Variants in VAMP7 observed in about 807,000 individuals in gnomAD.
VAMP7 encodes vesicle-associated membrane protein 7.
In VAMP7, 14 loss-of-function variants were observed where a neutral mutation model predicts 29.6. That is an observed-to-expected ratio of 0.47 (90% CI 0.31 to 0.74). The LOEUF is 0.74. Among genes scored for constraint, VAMP7 ranks in the 30% least tolerant of loss-of-function variants. The probability of loss-of-function intolerance (pLI) is 0.05; values close to 1 mark genes in which losing one functional copy is unlikely to be tolerated. For synonymous variants in VAMP7, 95 were observed against 88.1 expected (o/e 1.08, Z -0.44); for missense variants, 223 against 262.4 (o/e 0.85, Z 1.04).
At chrX:155,935,316 C>T (rs977832631) in intron 6 of VAMP7, among the ~76,000 whole-genome samples, 11 of 152,252 alleles carry the variant, frequency 7.2e-5, no homozygotes, top group African/African-American at 2.6e-4. Flanking sequence ...GTTCCATTCT[C>T]CCCATCACTT....
intron 6 of VAMP7, among the ~76,000 whole-genome samples, chrX:155,935,142 T>C (rs1274066913): frequency 2.0e-5 from 3 of 152,110 alleles, no homozygotes; most frequent in African/African-American, 7.2e-5. Context: ...CATTTTTTCC[T>C]TCATTTCAAC....
At chrX:155,890,089 A>G (rs975054758) in intron 2 of VAMP7, among the ~76,000 whole-genome samples, 3 of 152,076 alleles carry the variant, frequency 2.0e-5, no homozygotes, top group Admixed American at 2.0e-4. Flanking sequence ...GGGAAGTAGT[A>G]GATAGGAGAA....
In VAMP7 at chrX:155,912,665, C is replaced by A. The variant is rs1330636261; in HGVS notation, c.434-7148C>A. ...TGAGAATGATGGTTTCCAGCTTCATCCATGTCCCTGCAAAGGACATGAACT... is the reference window on the plus strand; with the variant it reads ...TGAGAATGATGGTTTCCAGCTTCATACATGTCCCTGCAAAGGACATGAACT... On this transcript the variant is annotated intron_variant, in intron 5 of 7. Transcript: ENST00000286448. 2.0e-5 allele frequency among the ~76,000 whole-genome samples: 3 copies of A among 152,098 alleles called. No homozygotes were observed. In the East Asian group the frequency reaches 5.8e-4, roughly 29 times the overall value.
intron 5 of VAMP7, among the ~76,000 whole-genome samples, chrX:155,902,402 T>C (rs1163765399): frequency 6.7e-6 from 1 of 150,212 alleles, no homozygotes; most frequent in Non-Finnish European, 1.5e-5. Context: ...CTTCCAACAC[T>C]ATGTTGAATA....
intron 5 of VAMP7, among the ~76,000 whole-genome samples, chrX:155,910,547 A>G (rs2066222164): frequency 6.7e-6 from 1 of 149,244 alleles, no homozygotes. Flanking sequence ...TTTCCATAGT[A>G]GCTGCACTAG....
intron 5 of VAMP7, among the ~76,000 whole-genome samples, chrX:155,901,254 C>T (rs144724198): frequency 0.011 from 1,602 of 152,030 alleles, 14 homozygotes; most frequent in Non-Finnish European, 0.017. Context: ...TTGATATGTA[C>T]GTCTTGGCTA....
chrX:155,902,045 C>A (rs2124281395), intron 5 of VAMP7, among the ~76,000 whole-genome samples: 1 of 152,238 alleles, frequency 6.6e-6, no homozygotes, highest in Admixed American at 6.5e-5. Flanking sequence ...TCTTTTATTT[C>A]ACTGAGCAGT....
intron 3 of VAMP7, 63 bp from the exon 4 acceptor site, chrX:155,898,049 T>C: frequency 6.4e-7 from 1 of 1,573,872 alleles, no homozygotes. Context: ...ATTGTTGTTC[T>C]TAATCACTCA....
chrX:155,911,037 C>A (rs377347297), intron 5 of VAMP7, among the ~76,000 whole-genome samples: 1 of 152,044 alleles, frequency 6.6e-6, no homozygotes, highest in Non-Finnish European at 1.5e-5. Flanking sequence ...AGTGTTTCCC[C>A]TATGTTTTCT....
intron 5 of VAMP7, among the ~76,000 whole-genome samples, chrX:155,915,147 C>T (rs1172731768): frequency 6.6e-6 from 1 of 152,118 alleles, no homozygotes; most frequent in African/African-American, 2.4e-5. Flanking sequence ...AGTTTACTTG[C>T]ATAGAGGTGT....
intron 6 of VAMP7, among the ~76,000 whole-genome samples, chrX:155,931,079 A>T (rs1441372532): frequency 6.6e-6 from 1 of 152,130 alleles, no homozygotes; most frequent in East Asian, 1.9e-4. Context: ...CATAGTGTAT[A>T]CGTGCCACAT....
At chrX:155,900,427 T>C in intron 4 of VAMP7, 70 bp from the exon 5 acceptor site, 1 of 1,186,276 alleles carries the variant, frequency 8.4e-7, no homozygotes, top group Non-Finnish European at 1.2e-6. Flanking sequence ...AAATTGTCAT[T>C]CCCCTTATTT....
intron 5 of VAMP7, among the ~76,000 whole-genome samples, chrX:155,911,604 C>T (rs1298579925): frequency 6.6e-6 from 1 of 151,642 alleles, no homozygotes; most frequent in Non-Finnish European, 1.5e-5. Context: ...CTTTCTGTAT[C>T]TTTGTGTCAT....
At chrX:155,885,896 C>T (rs2124218284) in intron 1 of VAMP7, among the ~76,000 whole-genome samples, 1 of 152,292 alleles carries the variant, frequency 6.6e-6, no homozygotes, top group East Asian at 1.9e-4. Flanking sequence ...GTAGGCGATA[C>T]ATTTCTGTTG....
At chrX:155,923,276 G>A (rs1033753374) in intron 6 of VAMP7, among the ~76,000 whole-genome samples, 2 of 151,844 alleles carry the variant, frequency 1.3e-5, no homozygotes, top group African/African-American at 4.8e-5. Context: ...TAATTCTTTT[G>A]TGTAGGCCGA....
At chrX:155,904,115 A>G (rs1449945249) in intron 5 of VAMP7, among the ~76,000 whole-genome samples, 1 of 150,858 alleles carries the variant, frequency 6.6e-6, no homozygotes. Flanking sequence ...ACAAAAAACC[A>G]AACACCGCAT....
intron 3 of VAMP7, 60 bp downstream of exon 3, chrX:155,895,740 T>C: frequency 6.7e-7 from 1 of 1,498,594 alleles, no homozygotes; most frequent in Non-Finnish European, 9.3e-7. Flanking sequence ...CAGCCAGTTC[T>C]TAATTATCTA....
At chrX:155,907,168 T>C (rs2124301769) in intron 5 of VAMP7, among the ~76,000 whole-genome samples, 1 of 152,230 alleles carries the variant, frequency 6.6e-6, no homozygotes, top group African/African-American at 2.4e-5. Flanking sequence ...TGTATAGTCC[T>C]TTTTGCATAT....
intron 2 of VAMP7, among the ~76,000 whole-genome samples, chrX:155,894,806 G>C (rs1255058440): frequency 6.6e-6 from 1 of 151,832 alleles, no homozygotes; most frequent in Non-Finnish European, 1.5e-5. Flanking sequence ...TGTACAGACG[G>C]GGTTTTGCCA....
Sources: gnomAD v4.1 joint callset for allele counts (sites outside exome capture counted in the v4.1 genomes callset) on GRCh38, gnomAD v4.1.1 for gene constraint, MANE v1.5 for transcripts, NCBI Gene and HGNC (gene_info 2026-07-23, HGNC 2026-07-21) for gene names.